HCLS1: variants seen among roughly 807,000 people sequenced by gnomAD.
HCLS1 encodes hematopoietic cell-specific Lyn substrate 1.
A neutral mutation model predicts 68.6 loss-of-function variants in HCLS1; 44 were observed. That is an observed-to-expected ratio of 0.64 (90% CI 0.50 to 0.82). The LOEUF is 0.82. Among genes scored for constraint, HCLS1 ranks in the 40% least tolerant of loss-of-function variants. HCLS1 has a pLI of 0.00. For synonymous variants in HCLS1, 217 were observed against 225.8 expected (o/e 0.96, Z 0.35); for missense variants, 602 against 612.1 (o/e 0.98, Z 0.17).
At chr3:121,640,204 C>G (rs2049183784) in intron 6 of HCLS1, among the ~76,000 whole-genome samples, 1 of 151,804 alleles carries the variant, frequency 6.6e-6, no homozygotes, top group Non-Finnish European at 1.5e-5. Context: ...ATACCATAAC[C>G]AACTTAAAAA....
rs568394751 is a variant in HCLS1 at position 121,647,183 on chromosome 3, G to C, written c.288+136C>G. ...TTTTTAGTAGAGATGGGGTTTCACC[G>C]TGTTAGCCAGGATGGTCTCGATCTC... On this transcript the variant is annotated intron_variant, in intron 4 of 13. Coordinates refer to ENST00000314583, the MANE Select transcript of HCLS1 (RefSeq NM_005335.6). 23 of 808,976 alleles carry C rather than the reference G, an allele frequency of 2.8e-5. No homozygotes were observed. In the East Asian group the frequency reaches 5.7e-4, roughly 20 times the overall value. The allele number at this position is 808,976 out of a possible 1,614,324, so 50.1% of individuals were successfully genotyped here.
rs2049096845 is a variant in HCLS1, at chr3:121,631,485, G to A, written c.*361C>T. On this transcript the variant is annotated 3_prime_UTR_variant, in exon 14 of 14. Transcript: ENST00000314583. The stretch of plus-strand genomic sequence containing the variant: ...GATATTTCTTCAGGGAAGGAAAGTG[G>A]GCAAATAGCACAATGAGGCAAACCA... 4.9e-6 allele frequency: 1 copy of A among 205,288 alleles called. No individual in the cohort carries two copies. Among genetic ancestry groups the A allele is most frequent in the Non-Finnish European group, 9.9e-6 (1 of 101,358 alleles). 12.7% of individuals were successfully genotyped at this position (205,288 alleles called of 1,614,324 possible). A position where few individuals can be genotyped will look rare whatever the true frequency, so the allele number is the denominator to read the frequency against.
intron 5 of HCLS1, chr3:121,643,364 C>T (rs2049218498): frequency 5.2e-6 from 1 of 192,948 alleles, no homozygotes; most frequent in Non-Finnish European, 1.1e-5. Context: ...CTAAATGGGA[C>T]AAGGTAAAGT....
intron 4 of HCLS1, 48 bp downstream of exon 4, chr3:121,647,271 G>T: frequency 6.2e-7 from 1 of 1,601,062 alleles, no homozygotes; most frequent in Admixed American, 1.7e-5. Context: ...GTGAGCCACC[G>T]CACCCGGCTT....
chr3:121,640,310 C>T (rs1340532329), intron 6 of HCLS1, among the ~76,000 whole-genome samples: 1 of 152,064 alleles, frequency 6.6e-6, no homozygotes, highest in Non-Finnish European at 1.5e-5. Context: ...GAAGTAGAGG[C>T]AATATTTCCC....
At chr3:121,640,024 A>T (rs1417000949) in intron 6 of HCLS1, among the ~76,000 whole-genome samples, 2 of 152,162 alleles carry the variant, frequency 1.3e-5, no homozygotes, top group African/African-American at 4.8e-5. Flanking sequence ...TTCTAGTAAG[A>T]ATAATTAAAA....
At chr3:121,646,021 A>G (rs2107470230) in intron 4 of HCLS1, among the ~76,000 whole-genome samples, 1 of 131,780 alleles carries the variant, frequency 7.6e-6, no homozygotes, top group African/African-American at 2.8e-5. Context: ...ATAAATAATT[A>G]TATAAGTATA....
intron 10 of HCLS1, 140 bp from the exon 11 acceptor site, chr3:121,633,311 G>C: frequency 1.7e-6 from 1 of 588,974 alleles, no homozygotes; most frequent in Non-Finnish European, 3.1e-6. Flanking sequence ...CGCCTCCCAG[G>C]TTCAAGCGAT....
chr3:121,634,598 G>T (rs554072348), intron 9 of HCLS1, among the ~76,000 whole-genome samples, 180 bp from the exon 10 acceptor site: 1 of 152,160 alleles, frequency 6.6e-6, no homozygotes, highest in Non-Finnish European at 1.5e-5. Flanking sequence ...TAGCCCTGAA[G>T]CCTGGATTTT....
In HCLS1 at chr3:121,642,943, C is replaced by T. The variant is rs111759137; in HGVS notation, c.438G>A (p.Lys146=). The change falls in exon 6 of 14, where the codon AAG becomes AAA. Residue 146 remains lysine, a synonymous_variant. Coordinates refer to ENST00000314583, the MANE Select transcript of HCLS1 (RefSeq NM_005335.6). ...VGFDYKGEVE[K]HTSQKDYSRG... ...TGTCCTTGCCTTTCTGAGATGTGTGCTTCTCCACTTCTCCTTTATAATCAA... is the reference window on the plus strand; with the variant it reads ...TGTCCTTGCCTTTCTGAGATGTGTGTTTCTCCACTTCTCCTTTATAATCAA... The T allele has an allele frequency of 4.3e-6, 7 of 1,613,038 alleles. No individual in the cohort carries two copies. In the East Asian group the frequency reaches 1.1e-4, roughly 26 times the overall value.
intron 5 of HCLS1, 94 bp downstream of exon 5, chr3:121,644,724 T>C (rs1454664278): frequency 3.4e-6 from 3 of 890,336 alleles, no homozygotes; most frequent in Non-Finnish European, 5.8e-6. Flanking sequence ...GTCCTGTCTT[T>C]CAACAAAGAA....
At chr3:121,646,047 TA>T (rs2049243772) in intron 4 of HCLS1, among the ~76,000 whole-genome samples, 1 of 127,520 alleles carries the variant, frequency 7.8e-6, no homozygotes, top group African/African-American at 3.0e-5. Flanking sequence ...TATAATGTAT[TA>T]ATATATAATA....
intron 11 of HCLS1, 43 bp from the exon 12 acceptor site, chr3:121,632,606 G>C: frequency 6.4e-7 from 1 of 1,571,364 alleles, no homozygotes; most frequent in Non-Finnish European, 8.7e-7. Context: ...CCACTTTCCA[G>C]GAGGAATCAA....
chr3:121,643,891 C>A (rs979872293), intron 5 of HCLS1: 4 of 152,216 alleles, frequency 2.6e-5, no homozygotes, highest in African/African-American at 9.7e-5. Flanking sequence ...GATTCTAGAA[C>A]ACTGCATGCT....
At chr3:121,658,211 C>A in intron 2 of HCLS1, 53 bp downstream of exon 2, 1 of 1,261,480 alleles carries the variant, frequency 7.9e-7, no homozygotes. Context: ...GGCCCAGATG[C>A]CCTCCTCACC....
chr3:121,644,804 G>A lies in HCLS1; in HGVS notation c.399+14C>T. 1 of 1,568,198 alleles carries A rather than the reference G, an allele frequency of 6.4e-7. No individual in the cohort carries two copies. Among genetic ancestry groups the A allele is most frequent in the Non-Finnish European group, 8.8e-7 (1 of 1,137,768 alleles). Reference sequence around the variant, plus strand: ...ACTGGAGGTGGGTGGTTGGGAGAGAGAGTGGTCACTTACCTTGTCTGCCCT... The same window carrying A: ...ACTGGAGGTGGGTGGTTGGGAGAGAAAGTGGTCACTTACCTTGTCTGCCCT... On this transcript the variant is annotated intron_variant, in intron 5 of 13. Transcript: ENST00000314583.
chr3:121,633,226 T>A, intron 10 of HCLS1, 55 bp from the exon 11 acceptor site: 1 of 1,195,840 alleles, frequency 8.4e-7, no homozygotes, highest in Non-Finnish European at 1.2e-6. Context: ...CACTCCTTTT[T>A]TTTTTTTGAG....
chr3:121,654,040 C>T (rs780915239), intron 3 of HCLS1: 2 of 152,164 alleles, frequency 1.3e-5, no homozygotes, highest in African/African-American at 2.4e-5. Flanking sequence ...AGTGGCTACT[C>T]ACAGACACAA....
intron 3 of HCLS1, among the ~76,000 whole-genome samples, chr3:121,656,476 G>A (rs191626789): frequency 6.6e-6 from 1 of 152,218 alleles, no homozygotes; most frequent in East Asian, 1.9e-4. Context: ...CCGTGGAAGA[G>A]AGAAGGGGAT....
Sources: gnomAD v4.1 joint callset for allele counts (sites outside exome capture counted in the v4.1 genomes callset) on GRCh38, gnomAD v4.1.1 for gene constraint, MANE v1.5 for transcripts, NCBI Gene and HGNC (gene_info 2026-07-23, HGNC 2026-07-21) for gene names.